CCSER1: variants seen among roughly 807,000 people sequenced by gnomAD.
CCSER1 encodes the protein coiled-coil serine rich protein 1.
In CCSER1, 41 loss-of-function variants were observed where a neutral mutation model predicts 82.0. The ratio of observed to expected loss-of-function variants is 0.50; its 90% CI spans 0.39 to 0.65. The LOEUF is 0.65. CCSER1 is among the 30% of genes least tolerant of loss of function. The pLI, the probability that CCSER1 is intolerant of heterozygous loss-of-function variation, is 0.00. For missense variants in CCSER1, 1,119 were observed against 1,064.2 expected (o/e 1.05, Z -0.72); for synonymous variants, 414 against 383.9 (o/e 1.08, Z -0.92).
At position 90,505,869 on chromosome 4, in the gene CCSER1, G is replaced by T. The variant is rs72885047; in HGVS notation, c.1724+37515G>T. On this transcript the variant is annotated intron_variant, in intron 5 of 10. Transcript: ENST00000509176. Reference sequence around the variant, plus strand: ...CATCCTGTTTTATCAGTATGGTCTTGTAAAACAATCCTGCTGAATTCCTAA... The same window carrying T: ...CATCCTGTTTTATCAGTATGGTCTTTTAAAACAATCCTGCTGAATTCCTAA... 5.3e-3 allele frequency among the ~76,000 whole-genome samples: 805 copies of T among 152,244 alleles called. 5 individuals carry two copies. The highest frequency in any genetic ancestry group is 0.018 in the African/African-American group (757 of 41,554).
At chr4:91,478,490 C>A (rs1379011060) in intron 10 of CCSER1, among the ~76,000 whole-genome samples, 1 of 151,738 alleles carries the variant, frequency 6.6e-6, no homozygotes, top group Non-Finnish European at 1.5e-5. Context: ...AAGGATCAGT[C>A]ACTAAAAAAG....
intron 9 of CCSER1, among the ~76,000 whole-genome samples, chr4:91,047,112 G>A (rs1248992167): frequency 6.6e-6 from 1 of 152,144 alleles, no homozygotes; most frequent in African/African-American, 2.4e-5. Flanking sequence ...TGCAAGGAAT[G>A]CTGGGAAATG....
chr4:90,138,243 G>A (rs1426638113), intron 1 of CCSER1, among the ~76,000 whole-genome samples: 1 of 152,114 alleles, frequency 6.6e-6, no homozygotes, highest in African/African-American at 2.4e-5. Context: ...GTAGGCCAGA[G>A]TGCAGTGGCA....
At chr4:90,220,702 T>C (rs1322003995) in intron 1 of CCSER1, among the ~76,000 whole-genome samples, 1 of 152,196 alleles carries the variant, frequency 6.6e-6, no homozygotes, top group East Asian at 1.9e-4. Context: ...TCGCTTTAAT[T>C]TACCAGGCAG....
At chr4:91,344,647 GAAA>G (rs540662448) in intron 10 of CCSER1, among the ~76,000 whole-genome samples, 2 of 138,886 alleles carry the variant, frequency 1.4e-5, no homozygotes, top group African/African-American at 5.1e-5. Flanking sequence ...GTCTACAAAG[GAAA>G]AAAAAAAAGG....
intron 6 of CCSER1, among the ~76,000 whole-genome samples, chr4:90,721,276 G>A (rs186097777): frequency 3.3e-4 from 50 of 151,920 alleles, no homozygotes; most frequent in African/African-American, 1.1e-3. Context: ...GAAGCAGTTT[G>A]TCTGTTGGAC....
intron 10 of CCSER1, among the ~76,000 whole-genome samples, chr4:91,494,078 C>T (rs964971679): frequency 7.9e-5 from 12 of 151,952 alleles, no homozygotes; most frequent in African/African-American, 2.9e-4. Flanking sequence ...CTGAAGAGAG[C>T]ACGTTAGATA....
At chr4:91,482,951 G>A (rs1758021478) in intron 10 of CCSER1, among the ~76,000 whole-genome samples, 1 of 152,040 alleles carries the variant, frequency 6.6e-6, no homozygotes. Context: ...TTGTGGGGTG[G>A]GGGGAGCGGG....
chr4:90,271,850 ATATATATATATATTTTTTTT>A (rs1726463922), intron 1 of CCSER1, among the ~76,000 whole-genome samples: 1 of 23,140 alleles, frequency 4.3e-5, no homozygotes, highest in Non-Finnish European at 6.6e-5. Context: ...ATATATATAT[ATATATATATATATTTTTTTT>A]TTTTTTTTTT....
intron 6 of CCSER1, among the ~76,000 whole-genome samples, chr4:90,704,648 T>A (rs748566802): frequency 6.6e-6 from 1 of 152,238 alleles, no homozygotes; most frequent in African/African-American, 2.4e-5. Flanking sequence ...CATAGTCCCA[T>A]ATTTCTTGGA....
At chr4:91,086,569 G>T (rs936714638) in intron 10 of CCSER1, among the ~76,000 whole-genome samples, 9 of 152,030 alleles carry the variant, frequency 5.9e-5, no homozygotes, top group Admixed American at 5.2e-4. Flanking sequence ...AGGTTGCTGG[G>T]AGTTGTGGGA....
At chr4:90,894,396 G>A (rs1308812383) in intron 8 of CCSER1, among the ~76,000 whole-genome samples, 1 of 151,468 alleles carries the variant, frequency 6.6e-6, no homozygotes, top group Non-Finnish European at 1.5e-5. Flanking sequence ...TTACATGAAA[G>A]CATCAACATG....
At chr4:90,445,487 A>T (rs1046487818) in intron 4 of CCSER1, among the ~76,000 whole-genome samples, 39 of 152,156 alleles carry the variant, frequency 2.6e-4, no homozygotes, top group Middle Eastern at 3.4e-3. Context: ...CCTTATTTAG[A>T]TGTACGTGAC....
intron 9 of CCSER1, among the ~76,000 whole-genome samples, chr4:91,031,493 C>A (rs899395420): frequency 6.6e-6 from 1 of 152,090 alleles, no homozygotes; most frequent in Non-Finnish European, 1.5e-5. Context: ...AATGCTTATT[C>A]AATAAAAGCT....
At chr4:90,714,733 G>A (rs941626148) in intron 6 of CCSER1, among the ~76,000 whole-genome samples, 1 of 151,928 alleles carries the variant, frequency 6.6e-6, no homozygotes, top group Non-Finnish European at 1.5e-5. Flanking sequence ...TTCTAAAATC[G>A]AAGCAAACAA....
intron 6 of CCSER1, among the ~76,000 whole-genome samples, chr4:90,650,882 T>C (rs898593058): frequency 2.4e-4 from 37 of 152,194 alleles, no homozygotes; most frequent in Admixed American, 7.2e-4. Context: ...TGAAATCTTG[T>C]AATAGTCTCA....
chr4:91,135,172 CT>C (rs1401912829), intron 10 of CCSER1, among the ~76,000 whole-genome samples: 1 of 151,976 alleles, frequency 6.6e-6, no homozygotes, highest in Non-Finnish European at 1.5e-5. Flanking sequence ...TGAAATATCA[CT>C]AGTAATTGGA....
At chr4:91,228,474 A>AAT (rs1738380048) in intron 10 of CCSER1, among the ~76,000 whole-genome samples, 1 of 151,962 alleles carries the variant, frequency 6.6e-6, no homozygotes, top group African/African-American at 2.4e-5. Flanking sequence ...TACATATATC[A>AAT]ATCTGAAAAT....
chr4:90,603,164 A>G (rs956027436), intron 5 of CCSER1, among the ~76,000 whole-genome samples: 10 of 152,246 alleles, frequency 6.6e-5, no homozygotes, highest in African/African-American at 2.4e-4. Context: ...GGAAAAGTTT[A>G]GTAGAAGAAA....
Sources: gnomAD v4.1 joint callset for allele counts (sites outside exome capture counted in the v4.1 genomes callset) on GRCh38, gnomAD v4.1.1 for gene constraint, MANE v1.5 for transcripts, NCBI Gene and HGNC (gene_info 2026-07-23, HGNC 2026-07-21) for gene names.